The following EPHA3 variants were observed in gnomAD, a reference collection of about 807,000 sequenced individuals.
The protein encoded by EPHA3 is EPH receptor A3, also known as ephrin type-A receptor 3.
Under a neutral mutation model 107.1 loss-of-function variants are expected in EPHA3, and 42 were observed. The observed-to-expected ratio is 0.39, with a 90% CI of 0.31 to 0.51. The LOEUF (loss-of-function observed/expected upper bound fraction) is 0.51, where lower values mean the gene tolerates loss of function less well. EPHA3 is among the 20% of genes least tolerant of loss of function. The pLI is 0.78. For missense variants in EPHA3, 1,183 were observed against 1,211.2 expected, an observed-to-expected ratio of 0.98 and a Z score of 0.35; for synonymous variants, 461 against 424.8, an observed-to-expected ratio of 1.09 and a Z score of -1.05.
chr3:89,154,347 T>A (rs1704751959), intron 2 of EPHA3, among the ~76,000 whole-genome samples: 1 of 151,716 alleles, frequency 6.6e-6, no homozygotes, highest in African/African-American at 2.4e-5. Context: ...ATCTGTTAAA[T>A]GCATGAATAA....
In EPHA3 at chr3:89,466,592, T is replaced by G. The variant is rs1710280949; in HGVS notation, c.2691-5872T>G. Among the ~76,000 whole-genome samples, 3 of 129,322 alleles carry G rather than the reference T, an allele frequency of 2.3e-5. 1 individual carries two copies. Among genetic ancestry groups the G allele is most frequent in the African/African-American group, 3.0e-5 (1 of 33,716 alleles). 84.8% of individuals were successfully genotyped at this position (129,322 alleles called of 152,430 possible). A position where few individuals can be genotyped will look rare whatever the true frequency, so the allele number is the denominator to read the frequency against. ...ATATTCGGGTGGGAGTGACCCGATTTTCCAGGTGCGTCCGTCACCCCTTTC... is the reference window on the plus strand; with the variant it reads ...ATATTCGGGTGGGAGTGACCCGATTGTCCAGGTGCGTCCGTCACCCCTTTC... On this transcript the variant is annotated intron_variant, in intron 15 of 16. Transcript: ENST00000336596.
At chr3:89,412,936 T>C (rs1482395335) in intron 9 of EPHA3, among the ~76,000 whole-genome samples, 1 of 151,766 alleles carries the variant, frequency 6.6e-6, no homozygotes, top group Non-Finnish European at 1.5e-5. Context: ...TTCCTTTATA[T>C]AATTCATCAT....
chr3:89,181,210 A>C (rs1365807169), intron 2 of EPHA3, among the ~76,000 whole-genome samples: 1 of 151,920 alleles, frequency 6.6e-6, no homozygotes, highest in East Asian at 1.9e-4. Flanking sequence ...ATTGGTGTTC[A>C]TTGGTTTTCT....
chr3:89,441,999 T>C (rs1709795427), intron 13 of EPHA3, among the ~76,000 whole-genome samples: 1 of 152,160 alleles, frequency 6.6e-6, no homozygotes, highest in African/African-American at 2.4e-5. Flanking sequence ...GTAGACAGTG[T>C]TTGCTGTTGG....
At chr3:89,162,718 C>A (rs1306162628) in intron 2 of EPHA3, among the ~76,000 whole-genome samples, 1 of 152,194 alleles carries the variant, frequency 6.6e-6, no homozygotes, top group Non-Finnish European at 1.5e-5. Context: ...TTTAGCCCAA[C>A]CCTGCATGCT....
chr3:89,314,322 G>A (rs761897678), intron 3 of EPHA3, among the ~76,000 whole-genome samples: 6 of 151,858 alleles, frequency 4.0e-5, no homozygotes, highest in East Asian at 1.9e-4. Context: ...TCTTCTCATA[G>A]TGATGTTAGA....
At chr3:89,478,229 A>G (rs1235181937) in intron 16 of EPHA3, among the ~76,000 whole-genome samples, 1 of 152,236 alleles carries the variant, frequency 6.6e-6, no homozygotes, top group African/African-American at 2.4e-5. Flanking sequence ...TATTTAATAA[A>G]AGAGATAGGT....
intron 7 of EPHA3, among the ~76,000 whole-genome samples, chr3:89,407,039 A>C (rs563450991): frequency 6.6e-6 from 1 of 152,184 alleles, no homozygotes; most frequent in Admixed American, 6.6e-5. Flanking sequence ...TCATTGAAAC[A>C]AAGTATGTAC....
At chr3:89,470,557 C>T (rs1710378581) in intron 15 of EPHA3, among the ~76,000 whole-genome samples, 1 of 152,156 alleles carries the variant, frequency 6.6e-6, no homozygotes, top group Non-Finnish European at 1.5e-5. Context: ...AGAAATTCAC[C>T]AAGGTCACAC....
At chr3:89,253,039 A>C (rs933476134) in intron 3 of EPHA3, among the ~76,000 whole-genome samples, 1 of 151,902 alleles carries the variant, frequency 6.6e-6, no homozygotes, top group Non-Finnish European at 1.5e-5. Context: ...AGTTATTCCG[A>C]GCAATAGAGA....
chr3:89,481,488 T>C lies in EPHA3; in HGVS notation c.*1986T>C. ...GTTAGAATGAGATCTGAATGTGGTT[T>C]CAATCTAATTTTTTCCCAGACTACT... On this transcript the variant is annotated 3_prime_UTR_variant, in exon 17 of 17. Coordinates refer to ENST00000336596, the MANE Select transcript of EPHA3 (RefSeq NM_005233.6). The C allele has an allele frequency of 4.3e-6, 1 of 232,312 alleles. No individual in the cohort carries two copies. The highest frequency in any genetic ancestry group is 1.8e-4 in the South Asian group (1 of 5,512). The allele number at this position is 232,312 out of a possible 1,614,324, so 14.4% of individuals were successfully genotyped here. A position where few individuals can be genotyped will look rare whatever the true frequency, so the allele number is the denominator to read the frequency against.
chr3:89,320,056 A>T (rs1707007054), intron 3 of EPHA3, among the ~76,000 whole-genome samples: 1 of 151,950 alleles, frequency 6.6e-6, no homozygotes, highest in Non-Finnish European at 1.5e-5. Flanking sequence ...AGCACAAGAC[A>T]ATTTCTGATA....
chr3:89,141,710 TAA>T (rs1704435589), intron 2 of EPHA3, among the ~76,000 whole-genome samples: 1 of 151,474 alleles, frequency 6.6e-6, no homozygotes, highest in Admixed American at 6.6e-5. Flanking sequence ...AATGAAACTT[TAA>T]AAAGAGATGT....
At chr3:89,420,111 G>A (rs1709327703) in intron 11 of EPHA3, among the ~76,000 whole-genome samples, 1 of 151,238 alleles carries the variant, frequency 6.6e-6, no homozygotes, top group South Asian at 2.1e-4. Flanking sequence ...GAATACTCTG[G>A]GACATTTTTC....
chr3:89,108,278 T>G (rs1707020378), intron 1 of EPHA3, among the ~76,000 whole-genome samples: 1 of 152,126 alleles, frequency 6.6e-6, no homozygotes, highest in African/African-American at 2.4e-5. Context: ...TTGTTCCTAC[T>G]TGGGATCATG....
At chr3:89,421,417 T>C (rs937215240) in intron 11 of EPHA3, among the ~76,000 whole-genome samples, 4 of 151,288 alleles carry the variant, frequency 2.6e-5, no homozygotes, top group Non-Finnish European at 5.9e-5. Flanking sequence ...TAGTATTTGA[T>C]TCATTAAATT....
At chr3:89,466,443 T>G (rs1454589818) in intron 15 of EPHA3, among the ~76,000 whole-genome samples, 2 of 124,690 alleles carry the variant, frequency 1.6e-5, no homozygotes, top group Non-Finnish European at 3.4e-5. Context: ...GTTGCCGCCT[T>G]GCAGTTTGAT....
At chr3:89,173,257 T>G (rs1705247458) in intron 2 of EPHA3, among the ~76,000 whole-genome samples, 1 of 152,182 alleles carries the variant, frequency 6.6e-6, no homozygotes, top group African/African-American at 2.4e-5. Flanking sequence ...TTATAGAATG[T>G]TTTTTGTCAG....
At chr3:89,316,505 AATATATATATATATATATATAT>A (rs58576798) in intron 3 of EPHA3, among the ~76,000 whole-genome samples, 1 of 104,134 alleles carries the variant, frequency 9.6e-6, no homozygotes, top group Non-Finnish European at 1.9e-5. Context: ...GTGTGTGTGT[AATATATATATATATATATATAT>A]ATATATATAT....
Sources: gnomAD v4.1 joint callset for allele counts (sites outside exome capture counted in the v4.1 genomes callset) on GRCh38, gnomAD v4.1.1 for gene constraint, MANE v1.5 for transcripts, NCBI Gene and HGNC (gene_info 2026-07-23, HGNC 2026-07-21) for gene names.